Variants in ATP6V0A4 observed in about 807,000 individuals in gnomAD.
ATP6V0A4 encodes V-type proton ATPase 116 kDa subunit a 4.
ATP6V0A4 carries 86 observed loss-of-function variants against 107.3 expected under a neutral mutation model. That is an observed-to-expected ratio of 0.80 (90% confidence interval 0.67 to 0.96). The LOEUF (loss-of-function observed/expected upper bound fraction) is 0.96, where lower values mean the gene tolerates loss of function less well. Ranked by LOEUF, ATP6V0A4 falls within the 40% of genes least tolerant of loss-of-function variation. ATP6V0A4 has a pLI of 0.00. For synonymous variants in ATP6V0A4, 353 were observed against 381.4 expected (o/e 0.93, Z 0.87); for missense variants, 908 against 1,045.6 (o/e 0.87, Z 1.81).
chr7:138,707,180 T>G (rs1282312903), intron 21 of ATP6V0A4, among the ~76,000 whole-genome samples: 1 of 59,168 alleles, frequency 1.7e-5, no homozygotes, highest in East Asian at 2.9e-4. Flanking sequence ...ATATATTATA[T>G]AATATATTAT....
intron 2 of ATP6V0A4, among the ~76,000 whole-genome samples, chr7:138,784,933 G>A (rs941474998): frequency 1.3e-5 from 2 of 152,098 alleles, no homozygotes; most frequent in African/African-American, 4.8e-5. Context: ...TTCCACTTAC[G>A]TGCCTTTAAA....
chr7:138,774,603 A>G (rs934187372), intron 2 of ATP6V0A4, among the ~76,000 whole-genome samples: 14 of 144,952 alleles, frequency 9.7e-5, no homozygotes, highest in Non-Finnish European at 2.1e-4. Flanking sequence ...ATAAATATAT[A>G]TATCTATATA....
At chr7:138,785,733 G>T (rs1808149242) in intron 2 of ATP6V0A4, among the ~76,000 whole-genome samples, 2 of 151,862 alleles carry the variant, frequency 1.3e-5, no homozygotes, top group Non-Finnish European at 1.5e-5. Flanking sequence ...TCCATTGTAT[G>T]CACACACACG....
At position 138,739,708 on chromosome 7, in the gene ATP6V0A4, C is replaced by T. The variant is rs139381662; in HGVS notation, c.1479-75G>A. The T allele has an allele frequency of 6.8e-5, 108 of 1,578,254 alleles. No individual in the cohort carries two copies. The East Asian group carries it at 2.1e-3, about 30-fold the overall frequency. On this transcript the variant is annotated intron_variant, in intron 14 of 21. Coordinates refer to ENST00000310018, the MANE Select transcript of ATP6V0A4 (RefSeq NM_020632.3). ...AAAGATACTATAATACCACCAGTCACGAACTTGCCCATCAAAGTCCAACTA... is the reference window on the plus strand; with the variant it reads ...AAAGATACTATAATACCACCAGTCATGAACTTGCCCATCAAAGTCCAACTA...
chr7:138,723,055 C>CAAAAAAAAA (rs34685977), intron 18 of ATP6V0A4, among the ~76,000 whole-genome samples: 1 of 122,416 alleles, frequency 8.2e-6, no homozygotes, highest in African/African-American at 3.1e-5. Flanking sequence ...GAGACTGTCT[C>CAAAAAAAAA]AAAAAAAAAA....
At chr7:138,760,763 T>C (rs1380141701) in intron 7 of ATP6V0A4, among the ~76,000 whole-genome samples, 1 of 152,156 alleles carries the variant, frequency 6.6e-6, no homozygotes, top group Non-Finnish European at 1.5e-5. Flanking sequence ...GCCTAGTGCC[T>C]CAAATATCAG....
Position 138,722,306 on chromosome 7 carries a change from C to T in ATP6V0A4, c.2011-281G>A, listed in dbSNP as rs191931062. The stretch of plus-strand genomic sequence containing the variant: ...TTGTGCCACTACACTCTAGCCTGGG[C>T]GACAGAGAGAGACTCCGTCTCAAAA... On this transcript the variant is annotated intron_variant, in intron 18 of 21. Transcript: ENST00000310018. 2.9e-3 allele frequency among the ~76,000 whole-genome samples: 435 copies of T among 151,072 alleles called. 3 individuals carry two copies. The highest frequency in any genetic ancestry group is 9.8e-3 in the African/African-American group (402 of 41,054).
At chr7:138,762,189 A>G in intron 7 of ATP6V0A4, 151 bp downstream of exon 7, 1 of 998,112 alleles carries the variant, frequency 1.0e-6, no homozygotes, top group South Asian at 1.4e-5. Context: ...CCAACCTAGT[A>G]AGTTACATAT....
intron 7 of ATP6V0A4, among the ~76,000 whole-genome samples, chr7:138,760,460 A>AAAAAAAAAAAG (rs1806752736): frequency 6.9e-6 from 1 of 145,012 alleles, no homozygotes; most frequent in Non-Finnish European, 1.5e-5. Context: ...AAAAAAAAAA[A>AAAAAAAAAAAG]AAAAGAATAT....
intron 19 of ATP6V0A4, among the ~76,000 whole-genome samples, chr7:138,716,575 T>TGG (rs75876774): frequency 2.2e-5 from 2 of 91,418 alleles, no homozygotes; most frequent in Non-Finnish European, 2.5e-5. Context: ...AATTTTTTTT[T>TGG]GGGGGGGGGG....
At chr7:138,730,341 AGTGTGTGTGTGTGTGTGTGT>A (rs369725759) in intron 17 of ATP6V0A4, among the ~76,000 whole-genome samples, 4,098 of 140,134 alleles carry the variant, frequency 0.029, 212 homozygotes, top group African/African-American at 0.1. Context: ...CAACGGGATG[AGTGTGTGTGTGTGTGTGTGT>A]GTGTGTGTGT....
chr7:138,756,315 T>A, intron 9 of ATP6V0A4, 143 bp downstream of exon 9: 1 of 1,379,474 alleles, frequency 7.2e-7, no homozygotes, highest in South Asian at 1.2e-5. Flanking sequence ...TAAAAATCAG[T>A]TGGGGCTGAC....
At position 138,796,873 on chromosome 7, in the gene ATP6V0A4, T is replaced by C. The variant is rs148903466; in HGVS notation, c.-121+1161A>G. Among the ~76,000 whole-genome samples the C allele has an allele frequency of 4.2e-3, 638 of 152,350 alleles. 1 individual carries two copies. The highest frequency in any genetic ancestry group is 0.015 in the African/African-American group (604 of 41,574). On this transcript the variant is annotated intron_variant, in intron 1 of 21. Coordinates refer to ENST00000310018, the MANE Select transcript of ATP6V0A4 (RefSeq NM_020632.3). ...TAGGATGAGACCTTTTATATACATG[T>C]GGGTCTTCAATAAATGTTTTAGACG... is the stretch of plus-strand genomic sequence containing the variant.
At chr7:138,786,639 T>C (rs1053943848) in intron 1 of ATP6V0A4, among the ~76,000 whole-genome samples, 2 of 152,088 alleles carry the variant, frequency 1.3e-5, no homozygotes, top group Non-Finnish European at 2.9e-5. Context: ...TGGATTTTTT[T>C]ACCTATAGCC....
At chr7:138,755,906 G>A in intron 9 of ATP6V0A4, 124 bp from the exon 10 acceptor site, 2 of 1,517,294 alleles carry the variant, frequency 1.3e-6, no homozygotes, top group Admixed American at 3.9e-5. Context: ...TAGAATAACT[G>A]CGTCTTTGGC....
chr7:138,777,881 A>G (rs2130175123), intron 2 of ATP6V0A4, among the ~76,000 whole-genome samples: 1 of 152,264 alleles, frequency 6.6e-6, no homozygotes, highest in East Asian at 1.9e-4. Flanking sequence ...CAGGTTGAGT[A>G]TCCCTAATCT....
chr7:138,769,392 G>C, intron 3 of ATP6V0A4, 141 bp from the exon 4 acceptor site: 1 of 1,319,668 alleles, frequency 7.6e-7, no homozygotes. Context: ...TCAGCTCACT[G>C]TAACCTCCAC....
chr7:138,767,926 T>TTTTG (rs887298895), intron 5 of ATP6V0A4, among the ~76,000 whole-genome samples: 22 of 152,162 alleles, frequency 1.4e-4, no homozygotes, highest in South Asian at 6.2e-4. Context: ...TCAGTGGTTT[T>TTTTG]TTTGTTTGTT....
chr7:138,745,958 A>AT (rs1327313662), intron 13 of ATP6V0A4, among the ~76,000 whole-genome samples: 105 of 44,448 alleles, frequency 2.4e-3, no homozygotes, highest in East Asian at 6.3e-3. Context: ...AAAAAAAAAA[A>AT]AAAAATATAT....
Sources: gnomAD v4.1 joint callset for allele counts (sites outside exome capture counted in the v4.1 genomes callset) on GRCh38, gnomAD v4.1.1 for gene constraint, MANE v1.5 for transcripts, NCBI Gene and HGNC (gene_info 2026-07-23, HGNC 2026-07-21) for gene names.